The following VWF variants were observed in gnomAD, a reference collection of about 807,000 sequenced individuals.
VWF encodes von Willebrand factor, also known as Factor VIII related antigen.
VWF carries 176 observed loss-of-function variants against 308.6 expected under a neutral mutation model. The observed-to-expected ratio is 0.57, with a 90% CI of 0.50 to 0.65. The LOEUF (loss-of-function observed/expected upper bound fraction) is 0.65, where lower values mean the gene tolerates loss of function less well. Among genes scored for constraint, VWF ranks in the 30% least tolerant of loss-of-function variants. The pLI is 0.00. For synonymous variants in VWF, 1,385 were observed against 1,443.4 expected (o/e 0.96, Z 0.92); for missense variants, 3,146 against 3,648.2 (o/e 0.86, Z 3.55).
At chr12:6,077,791 C>G (rs933734487) in intron 6 of VWF, among the ~76,000 whole-genome samples, 6 of 152,124 alleles carry the variant, frequency 3.9e-5, no homozygotes, top group Admixed American at 2.6e-4. Context: ...ACAAGGGGAA[C>G]CTGAGGCTTC....
In VWF at chr12:6,066,291, A is replaced by G. The variant is rs140100992; in HGVS notation, c.1157-1018T>C. Among the ~76,000 whole-genome samples, 757 of 152,346 alleles carry G rather than the reference A, an allele frequency of 5.0e-3. 8 individuals are homozygous for G. The highest frequency in any genetic ancestry group is 0.017 in the African/African-American group (695 of 41,588). On this transcript the variant is annotated intron_variant, in intron 10 of 51. Transcript: ENST00000261405. ...CCTGGCTTGAGGCAATCCCATCTTC[A>G]GGGCCAAACATGGACCCATCAAAGC... is the stretch of plus-strand genomic sequence containing the variant.
rs909865466 is a variant in VWF at position 6,123,345 on chromosome 12, A to G, written c.1-149T>C. 1.1e-5 allele frequency: 11 copies of G among 985,488 alleles called. No individual in the cohort carries two copies. In the African/African-American group the frequency reaches 1.6e-4, roughly 14 times the overall value. 61.0% of individuals were successfully genotyped at this position (985,488 alleles called of 1,614,324 possible). On this transcript the variant is annotated intron_variant, in intron 1 of 51. Transcript: ENST00000261405. ...CGTGACCCCCTTTTCCCCTTTGAAC[A>G]TGGACTTCTGGCCCCCGAAAAAACC...
chr12:5,967,527 T>G lies in VWF; in HGVS notation c.7846A>C (p.Lys2616Gln), dbSNP rs764162698. The change falls in exon 47 of 52, where the codon AAG (lysine) becomes CAG (glutamine). Residue 2616 changes from lysine (K) to glutamine (Q), a missense_variant. Physicochemically the swap from Lys to Gln is moderately conservative, Grantham distance 53. Transcript: ENST00000261405. ...CAGGTGGTCTTCCTGCACTCCAGCT[T>G]GAATCCAGAGATGACCCCCACCTGC... The part of the protein sequence containing the change: ...MVQVGVISGF[K>Q]LECRKTTCNP... 6.2e-7 allele frequency: 1 copy of G among 1,614,120 alleles called. No homozygotes were observed. The highest frequency in any genetic ancestry group is 8.5e-7 in the Non-Finnish European group (1 of 1,180,014).
intron 34 of VWF, among the ~76,000 whole-genome samples, chr12:6,002,288 T>G (rs958796186): frequency 3.3e-5 from 5 of 151,700 alleles, no homozygotes; most frequent in African/African-American, 1.2e-4. Context: ...ATAAATAAAT[T>G]GAAATCTTGA....
At chr12:6,077,794 G>A (rs951040983) in intron 6 of VWF, among the ~76,000 whole-genome samples, 1 of 152,152 alleles carries the variant, frequency 6.6e-6, no homozygotes, top group Non-Finnish European at 1.5e-5. Context: ...AGGGGAACCT[G>A]AGGCTTCTGA....
Position 6,092,622 on chromosome 12 carries a change from T to TGAGAGTGAGAGAGAGAGAGA in VWF, c.657+2837_657+2838insTCTCTCTCTCTCTCACTCTC, listed in dbSNP as rs1403649370. On this transcript the variant is annotated intron_variant, in intron 6 of 51. Coordinates refer to ENST00000261405, the MANE Select transcript of VWF (RefSeq NM_000552.5). The stretch of plus-strand genomic sequence containing the variant: ...GCTAGTTAGTGAGTGAGTGAGAGTG[T>TGAGAGTGAGAGAGAGAGAGA]GTGTGTGTGTGTGTGTGTGTGTGTG... 8.7e-4 allele frequency among the ~76,000 whole-genome samples: 80 copies of TGAGAGTGAGAGAGAGAGAGA among 91,528 alleles called. 2 individuals are homozygous for TGAGAGTGAGAGAGAGAGAGA. The highest frequency in any genetic ancestry group is 3.0e-3 in the African/African-American group (57 of 18,912). 60.0% of individuals were successfully genotyped at this position (91,528 alleles called of 152,430 possible).
At chr12:6,049,547 C>G (rs531166242) in intron 16 of VWF, among the ~76,000 whole-genome samples, 1 of 152,330 alleles carries the variant, frequency 6.6e-6, no homozygotes, top group East Asian at 1.9e-4. Flanking sequence ...CCACCATGAC[C>G]TTCTGATCCC....
At chr12:5,950,385 G>T (rs1164070121) in intron 50 of VWF, among the ~76,000 whole-genome samples, 2 of 152,096 alleles carry the variant, frequency 1.3e-5, no homozygotes, top group African/African-American at 4.8e-5. Flanking sequence ...GCACCTTTGT[G>T]AAGGCCTCTC....
At chr12:6,091,420 G>A (rs1009048407) in intron 6 of VWF, among the ~76,000 whole-genome samples, 1 of 152,032 alleles carries the variant, frequency 6.6e-6, no homozygotes, top group African/African-American at 2.4e-5. Flanking sequence ...TTATTGTGGA[G>A]GTCACAATCC....
intron 16 of VWF, among the ~76,000 whole-genome samples, chr12:6,047,080 ATT>A (rs1351244748): frequency 1.3e-5 from 2 of 152,072 alleles, no homozygotes; most frequent in Non-Finnish European, 2.9e-5. Context: ...GAAAAAAAAT[ATT>A]TCTCTCTCCA....
At chr12:5,956,814 T>TA (rs1395167391) in intron 47 of VWF, among the ~76,000 whole-genome samples, 18 of 152,170 alleles carry the variant, frequency 1.2e-4, no homozygotes, top group Admixed American at 3.3e-4. Context: ...ACTTTATAAG[T>TA]AAAAAAGTTA....
rs936975519 is a variant in VWF at position 5,970,059 on chromosome 12, G to C, written c.7549-668C>G. ...CCCTGACCTACTTCTCCTGGTGCCT[G>C]CTTATTTCTTCTCCTTCCAGATGAG... On this transcript the variant is annotated intron_variant, in intron 44 of 51. Coordinates refer to ENST00000261405, the MANE Select transcript of VWF (RefSeq NM_000552.5). Among the ~76,000 whole-genome samples, 6 of 152,164 alleles carry C rather than the reference G, an allele frequency of 3.9e-5. 1 individual carries two copies. Among genetic ancestry groups the C allele is most frequent in the Admixed American group, 3.9e-4 (6 of 15,272 alleles).
At chr12:5,964,219 A>AATAC (rs746364619) in intron 47 of VWF, among the ~76,000 whole-genome samples, 1,501 of 118,158 alleles carry the variant, frequency 0.013, 28 homozygotes, top group African/African-American at 0.022. Flanking sequence ...TCTGTCTAAA[A>AATAC]ATACATACAT....
Position 5,982,898 on chromosome 12 carries a change from C to T in VWF, c.7081+252G>A, listed in dbSNP as rs80167693. 2.5e-3 allele frequency among the ~76,000 whole-genome samples: 378 copies of T among 152,326 alleles called. 1 individual carries two copies. Among genetic ancestry groups the T allele is most frequent in the Non-Finnish European group, 4.2e-3 (289 of 68,022 alleles). On this transcript the variant is annotated intron_variant, in intron 41 of 51. Transcript: ENST00000261405. ...GGCCTCCTCATCTCAGCCCCAGCTG[C>T]TTCTTCATAAACCCAAGACGGAGGT... is the stretch of plus-strand genomic sequence containing the variant.
chr12:6,077,355 C>T (rs1944855971), intron 6 of VWF, among the ~76,000 whole-genome samples: 1 of 152,174 alleles, frequency 6.6e-6, no homozygotes, highest in African/African-American at 2.4e-5. Flanking sequence ...AGGAAAGCAC[C>T]CACCGGCATG....
intron 14 of VWF, among the ~76,000 whole-genome samples, chr12:6,057,601 C>T (rs1944600086): frequency 7.0e-6 from 1 of 143,178 alleles, no homozygotes; most frequent in East Asian, 2.0e-4. Context: ...CCTCCCGCCT[C>T]GGTAGACTTT....
chr12:6,068,501 G>A (rs954401833), intron 10 of VWF, among the ~76,000 whole-genome samples: 7 of 151,428 alleles, frequency 4.6e-5, no homozygotes, highest in Non-Finnish European at 1.0e-4. Flanking sequence ...AGACAGTCTC[G>A]CTCTGTTGCC....
chr12:6,034,630 C>T (rs1944311931), intron 20 of VWF, 58 bp downstream of exon 20: 17 of 1,612,244 alleles, frequency 1.1e-5, no homozygotes, highest in South Asian at 3.3e-5. Flanking sequence ...CCTGAGGCCA[C>T]ACCTCCCACC....
Position 5,949,087 on chromosome 12 carries a change from A to G in VWF, c.8370T>C (p.Asn2790=). The change falls in exon 52 of 52, where the codon AAT becomes AAC. Residue 2790 remains asparagine (N), a synonymous_variant. Coordinates refer to ENST00000261405, the MANE Select transcript of VWF (RefSeq NM_000552.5). ...GAACCTCATGGTACACAACAGAGCC[A>G]TTGGTGCAGTGCAGGGCCACCTGCA... is the stretch of plus-strand genomic sequence containing the variant. ...EPMQVALHCT[N]GSVVYHEVLN... 6.2e-7 allele frequency: 1 copy of G among 1,614,248 alleles called. No homozygotes were observed. The highest frequency in any genetic ancestry group is 8.5e-7 in the Non-Finnish European group (1 of 1,180,042).
Sources: gnomAD v4.1 joint callset for allele counts (sites outside exome capture counted in the v4.1 genomes callset) on GRCh38, gnomAD v4.1.1 for gene constraint, MANE v1.5 for transcripts, NCBI Gene and HGNC (gene_info 2026-07-23, HGNC 2026-07-21) for gene names.